JARID2: variants seen among roughly 807,000 people sequenced by gnomAD.
The protein encoded by JARID2 is jumonji and AT-rich interaction domain containing 2.
A neutral mutation model predicts 125.6 loss-of-function variants in JARID2; 21 were observed. That is an observed-to-expected ratio of 0.17 (90% CI 0.12 to 0.24). The LOEUF (loss-of-function observed/expected upper bound fraction) is 0.24. Ranked by LOEUF, JARID2 falls within the 10% of genes least tolerant of loss-of-function variation. JARID2 has a pLI of 1.00. For synonymous variants in JARID2, 736 were observed against 661.6 expected (o/e 1.11, Z -1.73); for missense variants, 1,303 against 1,639.6 (o/e 0.79, Z 3.55).
chr6:15,362,198 G>T (rs1024997166), intron 1 of JARID2, among the ~76,000 whole-genome samples: 1 of 151,988 alleles, frequency 6.6e-6, no homozygotes, highest in Non-Finnish European at 1.5e-5. Flanking sequence ...TGGAAGAGGA[G>T]TCATTTAATT....
At chr6:15,279,652 C>A (rs1000852132) in intron 1 of JARID2, among the ~76,000 whole-genome samples, 12 of 152,212 alleles carry the variant, frequency 7.9e-5, no homozygotes, top group Non-Finnish European at 1.3e-4. Flanking sequence ...GTACTTCATT[C>A]ATGTACACCA....
intron 4 of JARID2, among the ~76,000 whole-genome samples, chr6:15,455,817 C>T (rs979570120): frequency 6.6e-6 from 1 of 152,218 alleles, no homozygotes; most frequent in Non-Finnish European, 1.5e-5. Context: ...CATGAGTCAC[C>T]ATGCCCGGCG....
chr6:15,270,064 C>T (rs764124844), intron 1 of JARID2, among the ~76,000 whole-genome samples: 2 of 152,190 alleles, frequency 1.3e-5, no homozygotes, highest in Non-Finnish European at 2.9e-5. Context: ...GATCCTAGCA[C>T]TTGTAACTGA....
At chr6:15,463,783 A>G (rs915777388) in intron 4 of JARID2, among the ~76,000 whole-genome samples, 18 of 152,164 alleles carry the variant, frequency 1.2e-4, no homozygotes, top group African/African-American at 4.3e-4. Context: ...CCGACTCAGC[A>G]CAATATAATT....
chr6:15,253,195 C>G (rs569778682), intron 1 of JARID2, among the ~76,000 whole-genome samples: 1 of 152,172 alleles, frequency 6.6e-6, no homozygotes, highest in African/African-American at 2.4e-5. Context: ...TCCCGAGTAG[C>G]TGGGACTAAC....
intron 1 of JARID2, among the ~76,000 whole-genome samples, chr6:15,246,954 G>A (rs563254675): frequency 6.6e-6 from 1 of 152,306 alleles, no homozygotes; most frequent in South Asian, 2.1e-4. Context: ...ATGAGCCTGT[G>A]TTATTATTAT....
intron 1 of JARID2, among the ~76,000 whole-genome samples, chr6:15,322,539 A>G (rs909689184): frequency 6.6e-6 from 1 of 152,190 alleles, no homozygotes; most frequent in Non-Finnish European, 1.5e-5. Flanking sequence ...GGTAGCATCT[A>G]CCTACCCTGC....
At chr6:15,311,175 A>G (rs1761998679) in intron 1 of JARID2, among the ~76,000 whole-genome samples, 1 of 152,084 alleles carries the variant, frequency 6.6e-6, no homozygotes, top group African/African-American at 2.4e-5. Flanking sequence ...GATTCATATC[A>G]CCCTTGCTCC....
intron 2 of JARID2, among the ~76,000 whole-genome samples, chr6:15,403,732 T>C (rs1475903388): frequency 6.7e-6 from 1 of 149,728 alleles, no homozygotes. Context: ...TGAAGGTGTG[T>C]CGTGGGGGCG....
chr6:15,332,914 C>G (rs1425132427), intron 1 of JARID2, among the ~76,000 whole-genome samples: 1 of 144,442 alleles, frequency 6.9e-6, no homozygotes, highest in Non-Finnish European at 1.5e-5. Context: ...ATAAAATTTA[C>G]CCTTTCTTTT....
At chr6:15,398,720 T>C (rs1765309110) in intron 2 of JARID2, among the ~76,000 whole-genome samples, 1 of 152,184 alleles carries the variant, frequency 6.6e-6, no homozygotes, top group South Asian at 2.1e-4. Context: ...TTCTCTTTAA[T>C]TGACTAGAAT....
At chr6:15,395,414 C>T (rs1202419714) in intron 2 of JARID2, among the ~76,000 whole-genome samples, 1 of 151,926 alleles carries the variant, frequency 6.6e-6, no homozygotes, top group Non-Finnish European at 1.5e-5. Flanking sequence ...TACAGGCGTG[C>T]ACCACTGTGC....
intron 4 of JARID2, among the ~76,000 whole-genome samples, chr6:15,459,110 G>A (rs546916486): frequency 8.5e-5 from 13 of 152,302 alleles, no homozygotes; most frequent in East Asian, 3.9e-4. Flanking sequence ...CCTCATCTGC[G>A]AAATGGATAT....
intron 15 of JARID2, 41 bp from the exon 16 acceptor site, chr6:15,513,198 G>GGC: frequency 6.4e-7 from 1 of 1,555,850 alleles, no homozygotes; most frequent in South Asian, 1.2e-5. Context: ...GAGCATGGCA[G>GGC]GCCGTCACTA....
intron 7 of JARID2, 37 bp downstream of exon 7, chr6:15,497,207 C>T: frequency 6.9e-7 from 1 of 1,441,594 alleles, no homozygotes; most frequent in Non-Finnish European, 9.4e-7. Context: ...TGGTGCCTGC[C>T]CTCCTGCCCC....
intron 1 of JARID2, among the ~76,000 whole-genome samples, chr6:15,247,259 T>C (rs1258664739): frequency 6.6e-6 from 1 of 152,220 alleles, no homozygotes; most frequent in African/African-American, 2.4e-5. Context: ...TGTACGTGAA[T>C]GCATATGTAA....
At chr6:15,427,173 C>A (rs1397166736) in intron 3 of JARID2, among the ~76,000 whole-genome samples, 1 of 152,160 alleles carries the variant, frequency 6.6e-6, no homozygotes, top group Non-Finnish European at 1.5e-5. Context: ...AATTCTTCTG[C>A]ATAAACCTGC....
At chr6:15,334,764 A>T (rs1762824141) in intron 1 of JARID2, among the ~76,000 whole-genome samples, 1 of 152,226 alleles carries the variant, frequency 6.6e-6, no homozygotes, top group Non-Finnish European at 1.5e-5. Flanking sequence ...TTCTACACAA[A>T]GTCACAATAA....
chr6:15,389,307 G>A (rs548566512), intron 2 of JARID2, among the ~76,000 whole-genome samples: 4 of 152,256 alleles, frequency 2.6e-5, no homozygotes, highest in South Asian at 2.1e-4. Context: ...CTATAGGCAC[G>A]TGTCACCGCC....
Sources: gnomAD v4.1 joint callset for allele counts (sites outside exome capture counted in the v4.1 genomes callset) on GRCh38, gnomAD v4.1.1 for gene constraint, MANE v1.5 for transcripts, NCBI Gene and HGNC (gene_info 2026-07-23, HGNC 2026-07-21) for gene names.